Variants in LRRC4C observed in about 807,000 individuals in gnomAD.
The protein encoded by LRRC4C is leucine rich repeat containing 4C.
LRRC4C carries 5 observed loss-of-function variants against 33.6 expected under a neutral mutation model. The ratio of observed to expected loss-of-function variants is 0.15; its 90% CI spans 0.08 to 0.31. The LOEUF (loss-of-function observed/expected upper bound fraction) is 0.31, where lower values mean the gene tolerates loss of function less well. Ranked by LOEUF, LRRC4C falls within the 10% of genes least tolerant of loss-of-function variation. The pLI, the probability that LRRC4C is intolerant of heterozygous loss-of-function variation, is 1.00. For missense variants in LRRC4C, 560 were observed against 796.7 expected, an observed-to-expected ratio of 0.70 and a Z score of 3.58; for synonymous variants, 329 against 302.0, an observed-to-expected ratio of 1.09 and a Z score of -0.93.
chr11:41,249,178 G>A (rs968552757), intron 1 of LRRC4C, among the ~76,000 whole-genome samples: 10 of 152,058 alleles, frequency 6.6e-5, no homozygotes, highest in African/African-American at 2.4e-4. Flanking sequence ...GGGACTACAG[G>A]CACCTGCCAC....
intron 3 of LRRC4C, among the ~76,000 whole-genome samples, chr11:40,548,139 A>G (rs186965760): frequency 1.9e-4 from 29 of 152,090 alleles, no homozygotes; most frequent in African/African-American, 6.5e-4. Context: ...AGTGGCCAGA[A>G]AAAAAATCAC....
intron 2 of LRRC4C, among the ~76,000 whole-genome samples, chr11:40,737,455 T>C (rs756298509): frequency 2.6e-5 from 4 of 152,140 alleles, no homozygotes; most frequent in Non-Finnish European, 5.9e-5. Context: ...GACATGATTG[T>C]ATATTTAGAA....
intron 1 of LRRC4C, among the ~76,000 whole-genome samples, chr11:40,997,781 C>T (rs1385927151): frequency 6.6e-6 from 1 of 152,034 alleles, no homozygotes; most frequent in Non-Finnish European, 1.5e-5. Flanking sequence ...GTTCCACTGT[C>T]ACCAATGGTT....
chr11:40,474,953 C>T (rs966522957), intron 3 of LRRC4C, among the ~76,000 whole-genome samples: 2 of 152,154 alleles, frequency 1.3e-5, no homozygotes, highest in African/African-American at 4.8e-5. Context: ...CAGGAAACAA[C>T]AGATACTGCA....
intron 1 of LRRC4C, among the ~76,000 whole-genome samples, chr11:41,126,100 G>A (rs1169856526): frequency 6.6e-6 from 1 of 152,098 alleles, no homozygotes. Context: ...TTAATACCCA[G>A]GTGATGGGTT....
intron 1 of LRRC4C, among the ~76,000 whole-genome samples, chr11:41,438,037 TCAAA>T (rs1308671817): frequency 5.8e-4 from 25 of 43,146 alleles, no homozygotes; most frequent in Non-Finnish European, 1.1e-3. Context: ...AAACTCCATC[TCAAA>T]TAAATAAATA....
At position 41,373,812 on chromosome 11, in the gene LRRC4C, G is replaced by T. The variant is rs79295041; in HGVS notation, c.-496+85619C>A. 5.4e-3 allele frequency among the ~76,000 whole-genome samples: 829 copies of T among 152,190 alleles called. 9 individuals carry two copies. The highest frequency in any genetic ancestry group is 0.019 in the African/African-American group (796 of 41,522). ...GAATTAGGATATTAGTTTAAGCAAA[G>T]AAATAGAATTTTCAATAAAAGTATA... On this transcript the variant is annotated intron_variant, in intron 1 of 6. Coordinates refer to ENST00000528697, the MANE Select transcript of LRRC4C (RefSeq NM_001258419.2).
chr11:41,168,584 G>A (rs1243244334), intron 1 of LRRC4C, among the ~76,000 whole-genome samples: 1 of 151,790 alleles, frequency 6.6e-6, no homozygotes, highest in African/African-American at 2.4e-5. Flanking sequence ...GTGAAGACAG[G>A]ATAGGCCTTT....
At chr11:40,499,091 C>A (rs1006185205) in intron 3 of LRRC4C, among the ~76,000 whole-genome samples, 9 of 152,140 alleles carry the variant, frequency 5.9e-5, no homozygotes, top group African/African-American at 2.2e-4. Flanking sequence ...CCAGCCACAA[C>A]TGAAGAAACT....
At chr11:40,834,039 T>C (rs1293743306) in intron 2 of LRRC4C, among the ~76,000 whole-genome samples, 1 of 152,192 alleles carries the variant, frequency 6.6e-6, no homozygotes, top group Non-Finnish European at 1.5e-5. Context: ...CCTGTGTGTT[T>C]ATGTCTGAGT....
At chr11:40,748,505 G>A (rs1322163347) in intron 2 of LRRC4C, among the ~76,000 whole-genome samples, 2 of 151,950 alleles carry the variant, frequency 1.3e-5, no homozygotes, top group Non-Finnish European at 2.9e-5. Context: ...ATGAGGAAGA[G>A]AAAGGACTCA....
chr11:41,404,308 A>T (rs1954135583), intron 1 of LRRC4C, among the ~76,000 whole-genome samples: 1 of 152,032 alleles, frequency 6.6e-6, no homozygotes, highest in Admixed American at 6.6e-5. Context: ...TAAATGGAGT[A>T]GGTTTATAAA....
intron 3 of LRRC4C, among the ~76,000 whole-genome samples, chr11:40,418,661 G>T (rs1207123657): frequency 6.6e-6 from 1 of 152,122 alleles, no homozygotes; most frequent in Non-Finnish European, 1.5e-5. Context: ...GCATGCACAC[G>T]TATGTTCACT....
chr11:40,379,405 T>C (rs1421770300), intron 3 of LRRC4C, among the ~76,000 whole-genome samples: 2 of 152,276 alleles, frequency 1.3e-5, no homozygotes, highest in Non-Finnish European at 2.9e-5. Flanking sequence ...CTATTCCTAT[T>C]GTGTGATATC....
intron 2 of LRRC4C, among the ~76,000 whole-genome samples, chr11:40,698,390 G>A (rs1945686502): frequency 1.3e-5 from 2 of 151,976 alleles, no homozygotes; most frequent in Non-Finnish European, 1.5e-5. Flanking sequence ...CTCTATACTA[G>A]CAATCATTGT....
intron 2 of LRRC4C, among the ~76,000 whole-genome samples, chr11:40,759,577 C>T (rs1477743672): frequency 6.6e-6 from 1 of 151,740 alleles, no homozygotes; most frequent in Non-Finnish European, 1.5e-5. Flanking sequence ...TGGCAAAAAC[C>T]TCAGTTACTT....
intron 2 of LRRC4C, among the ~76,000 whole-genome samples, chr11:40,805,261 C>T (rs1374106785): frequency 6.6e-6 from 1 of 152,144 alleles, no homozygotes; most frequent in African/African-American, 2.4e-5. Context: ...CTATCTTGGG[C>T]CAAAGACAGA....
chr11:40,817,589 C>A (rs1367986540), intron 2 of LRRC4C, among the ~76,000 whole-genome samples: 1 of 152,058 alleles, frequency 6.6e-6, no homozygotes, highest in Non-Finnish European at 1.5e-5. Flanking sequence ...TATCCCACTC[C>A]CATCCAAATT....
At chr11:41,150,632 A>C (rs938607089) in intron 1 of LRRC4C, among the ~76,000 whole-genome samples, 2 of 152,050 alleles carry the variant, frequency 1.3e-5, no homozygotes, top group Admixed American at 1.3e-4. Flanking sequence ...TCTACTAAAA[A>C]TACAAAAATT....
Sources: allele counts gnomAD v4.1 joint callset (sites outside exome capture counted in the v4.1 genomes callset), GRCh38; gene constraint gnomAD v4.1.1; transcripts MANE v1.5; gene names NCBI Gene and HGNC (gene_info 2026-07-23, HGNC 2026-07-21).